The following NREP variants were observed in gnomAD, a reference collection of about 807,000 sequenced individuals.
NREP encodes neuronal regeneration-related protein.
A neutral mutation model predicts 8.6 loss-of-function variants in NREP; 5 were observed. The ratio of observed to expected loss-of-function variants is 0.58; its 90% CI spans 0.30 to 1.22. NREP has a LOEUF of 1.22. Ranked by LOEUF, NREP falls within the 50% of genes most tolerant of loss-of-function variation. NREP has a pLI of 0.07. For synonymous variants in NREP, 27 were observed against 28.0 expected (o/e 0.96, Z 0.11); for missense variants, 86 against 82.5 (o/e 1.04, Z -0.17).
intron 2 of NREP, among the ~76,000 whole-genome samples, chr5:111,828,577 A>T (rs1220123563): frequency 1.3e-5 from 2 of 152,126 alleles, no homozygotes; most frequent in African/African-American, 4.8e-5. Context: ...AGCCTTAAAG[A>T]TTAGAGCGCT....
At chr5:111,734,520 A>G (rs1748922700) in intron 3 of NREP, 3 of 433,188 alleles carry the variant, frequency 6.9e-6, no homozygotes, top group Non-Finnish European at 1.2e-5. Context: ...GTGATTTAAG[A>G]TTGTTTTCTT....
At chr5:111,873,848 G>T (rs543521547) in intron 2 of NREP, among the ~76,000 whole-genome samples, 1 of 152,228 alleles carries the variant, frequency 6.6e-6, no homozygotes, top group Admixed American at 6.5e-5. Context: ...AAGGGCTGTG[G>T]GAGAGACTGC....
At position 111,882,594 on chromosome 5, in the gene NREP, C is replaced by T. The variant is rs531421462; in HGVS notation, c.135+92680G>A. On this transcript the variant is annotated intron_variant, in intron 2 of 3. Coordinates refer to the NREP transcript ENST00000395634. ...GCAGCCAGAGAGAAAGGCTGGGTTA[C>T]CCACAAAGGGAAGCCCATCAGACTA... is the stretch of plus-strand genomic sequence containing the variant. Among the ~76,000 whole-genome samples, 7 of 152,278 alleles carry T rather than the reference C, an allele frequency of 4.6e-5. No individual in the cohort carries two copies. In the South Asian group the frequency reaches 1.5e-3, roughly 32 times the overall value.
chr5:111,845,336 C>T (rs1581161057), intron 2 of NREP, among the ~76,000 whole-genome samples: 1 of 151,512 alleles, frequency 6.6e-6, no homozygotes, highest in Admixed American at 6.6e-5. Flanking sequence ...ACCTGGATTC[C>T]AGAGCTCTTG....
intron 2 of NREP, among the ~76,000 whole-genome samples, chr5:111,779,041 T>TAC (rs10628585): frequency 0.44 from 67,307 of 151,788 alleles, 15,131 homozygotes; most frequent in Non-Finnish European, 0.47. Context: ...CTTCCCTACT[T>TAC]AACATATATA....
chr5:111,876,982 G>A (rs553189962), intron 2 of NREP, among the ~76,000 whole-genome samples: 1 of 152,220 alleles, frequency 6.6e-6, no homozygotes, highest in South Asian at 2.1e-4. Flanking sequence ...ATGCTAAGTT[G>A]CTTCTCATTC....
chr5:111,914,754 T>A (rs608642), intron 2 of NREP, among the ~76,000 whole-genome samples: 94,963 of 151,852 alleles, frequency 0.63, 30,269 homozygotes, highest in African/African-American at 0.68. Context: ...AAGCTGAAGT[T>A]CCACAAAATG....
chr5:111,937,584 A>T (rs1451099749), intron 2 of NREP, among the ~76,000 whole-genome samples: 3 of 152,126 alleles, frequency 2.0e-5, no homozygotes, highest in Non-Finnish European at 2.9e-5. Flanking sequence ...GTTTGAAGAG[A>T]CACAATCCTG....
At chr5:111,864,652 G>C (rs1385177156) in intron 2 of NREP, among the ~76,000 whole-genome samples, 1 of 152,034 alleles carries the variant, frequency 6.6e-6, no homozygotes, top group African/African-American at 2.4e-5. Flanking sequence ...ACACTGCTCT[G>C]AAAGGAACAA....
At chr5:111,737,315 C>A (rs1224918540) in intron 2 of NREP, among the ~76,000 whole-genome samples, 1 of 152,074 alleles carries the variant, frequency 6.6e-6, no homozygotes, top group Non-Finnish European at 1.5e-5. Flanking sequence ...TTTAGGGGAC[C>A]CCAAGTTTGA....
chr5:111,971,477 A>T (rs1156656057), intron 2 of NREP, among the ~76,000 whole-genome samples: 1 of 152,232 alleles, frequency 6.6e-6, no homozygotes, highest in East Asian at 1.9e-4. Context: ...CAAATACACT[A>T]CAAAGCTAGA....
At position 111,862,078 on chromosome 5, in the gene NREP, T is replaced by C. The variant is rs72782127; in HGVS notation, c.135+113196A>G. Among the ~76,000 whole-genome samples, 599 of 152,306 alleles carry C rather than the reference T, an allele frequency of 3.9e-3. 1 individual carries two copies. The highest frequency in any genetic ancestry group is 5.6e-3 in the Non-Finnish European group (383 of 68,008). ...CAATACGATTTATTAAGTCACATCATACAAGCAAATAATCAAGTGCAATTC... is the reference window on the plus strand; with the variant it reads ...CAATACGATTTATTAAGTCACATCACACAAGCAAATAATCAAGTGCAATTC... On this transcript the variant is annotated intron_variant, in intron 2 of 3. Coordinates refer to the NREP transcript ENST00000395634.
intron 2 of NREP, among the ~76,000 whole-genome samples, chr5:111,858,373 C>T (rs1276591268): frequency 6.6e-6 from 1 of 152,094 alleles, no homozygotes; most frequent in African/African-American, 2.4e-5. Context: ...CAACCCGGGT[C>T]TCTCCCACCA....
intron 2 of NREP, among the ~76,000 whole-genome samples, chr5:111,863,574 G>A (rs1283617996): frequency 6.6e-6 from 1 of 152,086 alleles, no homozygotes; most frequent in Non-Finnish European, 1.5e-5. Flanking sequence ...AACATTTAAA[G>A]TTTGAGGGCA....
At chr5:111,759,177 C>T (rs1750899187), upstream of NREP, among the ~76,000 whole-genome samples, 1 of 152,158 alleles carries the variant, frequency 6.6e-6, no homozygotes, top group South Asian at 2.1e-4. Context: ...ACACGCTGCT[C>T]AAGGGCACCT....
chr5:111,844,474 CT>C (rs1221301298), intron 2 of NREP, among the ~76,000 whole-genome samples: 10 of 151,230 alleles, frequency 6.6e-5, no homozygotes, highest in African/African-American at 2.2e-4. Context: ...CTCATCATTG[CT>C]TCTTTATCTC....
At chr5:111,843,611 A>G (rs770275267) in intron 2 of NREP, among the ~76,000 whole-genome samples, 1 of 151,966 alleles carries the variant, frequency 6.6e-6, no homozygotes, top group African/African-American at 2.4e-5. Flanking sequence ...GTCATTCTTG[A>G]GCCTTATTAT....
chr5:111,812,045 T>C (rs1305121827), intron 2 of NREP, among the ~76,000 whole-genome samples: 1 of 152,148 alleles, frequency 6.6e-6, no homozygotes, highest in African/African-American at 2.4e-5. Flanking sequence ...CGCAGCACTT[T>C]GGGAGGCCGA....
intron 2 of NREP, among the ~76,000 whole-genome samples, chr5:111,868,268 C>T (rs982634610): frequency 6.6e-6 from 1 of 152,150 alleles, no homozygotes; most frequent in African/African-American, 2.4e-5. Flanking sequence ...CTAGCATGCT[C>T]TCATACACCC....
Sources: gnomAD v4.1 joint callset for allele counts (sites outside exome capture counted in the v4.1 genomes callset) on GRCh38, gnomAD v4.1.1 for gene constraint, MANE v1.5 for transcripts, NCBI Gene and HGNC (gene_info 2026-07-23, HGNC 2026-07-21) for gene names.